AK5: variants seen among roughly 807,000 people sequenced by gnomAD.
AK5 encodes adenylate kinase 5, also known as adenylate kinase isoenzyme 5.
Under a neutral mutation model 69.5 loss-of-function variants are expected in AK5, and 27 were observed. The observed-to-expected ratio is 0.39, with a 90% CI of 0.29 to 0.54. The LOEUF (loss-of-function observed/expected upper bound fraction) is 0.54. Among genes scored for constraint, AK5 ranks in the 20% least tolerant of loss-of-function variants. The pLI, the probability that AK5 is intolerant of heterozygous loss-of-function variation, is 0.71. For synonymous variants in AK5, 260 were observed against 244.4 expected (o/e 1.06, Z -0.60); for missense variants, 531 against 700.4 (o/e 0.76, Z 2.73).
intron 8 of AK5, among the ~76,000 whole-genome samples, chr1:77,462,471 A>T (rs1394474176): frequency 6.6e-5 from 10 of 152,078 alleles, no homozygotes; most frequent in Non-Finnish European, 2.9e-5. Flanking sequence ...TAAAAGGAAA[A>T]GCATCTATAA....
intron 8 of AK5, among the ~76,000 whole-genome samples, chr1:77,467,162 G>A (rs976545712): frequency 2.0e-5 from 3 of 152,196 alleles, no homozygotes; most frequent in Admixed American, 6.5e-5. Flanking sequence ...AGGGAAAAAT[G>A]CATGGAGTCT....
At chr1:77,432,842 A>G (rs1651728730) in intron 8 of AK5, among the ~76,000 whole-genome samples, 1 of 152,234 alleles carries the variant, frequency 6.6e-6, no homozygotes, top group African/African-American at 2.4e-5. Flanking sequence ...TTACATCATT[A>G]TCTTGCCAAA....
At chr1:77,415,306 C>T (rs758409188) in intron 7 of AK5, among the ~76,000 whole-genome samples, 10 of 152,114 alleles carry the variant, frequency 6.6e-5, no homozygotes, top group South Asian at 2.1e-4. Context: ...TTGAAAACAA[C>T]GGAAAGAACA....
intron 6 of AK5, among the ~76,000 whole-genome samples, chr1:77,408,993 T>G (rs1649850064): frequency 6.6e-6 from 1 of 152,218 alleles, no homozygotes; most frequent in Admixed American, 6.5e-5. Flanking sequence ...AGCTCCCACT[T>G]ACAAGTAAGG....
intron 5 of AK5, among the ~76,000 whole-genome samples, chr1:77,331,205 A>G (rs1661070491): frequency 1.3e-5 from 2 of 151,962 alleles, no homozygotes; most frequent in African/African-American, 4.8e-5. Flanking sequence ...CTTGTGTTTT[A>G]TTTCTTTTTT....
chr1:77,462,052 T>C (rs1001940682), intron 8 of AK5, among the ~76,000 whole-genome samples: 1 of 152,242 alleles, frequency 6.6e-6, no homozygotes, highest in African/African-American at 2.4e-5. Flanking sequence ...TATAGAAAGA[T>C]AAATAGTAGT....
At chr1:77,383,988 G>T (rs1647832182) in intron 6 of AK5, among the ~76,000 whole-genome samples, 1 of 151,992 alleles carries the variant, frequency 6.6e-6, no homozygotes, top group Non-Finnish European at 1.5e-5. Flanking sequence ...GATTAAAAAT[G>T]TTATATTAGA....
intron 8 of AK5, among the ~76,000 whole-genome samples, chr1:77,445,955 T>G (rs1312837094): frequency 1.3e-5 from 2 of 152,214 alleles, no homozygotes; most frequent in Non-Finnish European, 2.9e-5. Flanking sequence ...ATGTATTTAT[T>G]TTTGCTTTTG....
At chr1:77,513,899 T>TA (rs1437057550) in intron 10 of AK5, among the ~76,000 whole-genome samples, 2 of 152,078 alleles carry the variant, frequency 1.3e-5, no homozygotes, top group Non-Finnish European at 2.9e-5. Flanking sequence ...CATGCCGAGG[T>TA]GATGCAGATG....
At chr1:77,320,286 C>G (rs893993913) in intron 5 of AK5, among the ~76,000 whole-genome samples, 3 of 152,132 alleles carry the variant, frequency 2.0e-5, no homozygotes, top group East Asian at 1.9e-4. Context: ...AACTACAATT[C>G]AAGATGAGAT....
At position 77,365,082 on chromosome 1, in the gene AK5, C is replaced by T. The variant is rs543028777; in HGVS notation, c.891+24514C>T. Among the ~76,000 whole-genome samples the T allele has an allele frequency of 2.4e-4, 36 of 152,160 alleles. 1 individual carries two copies. Among genetic ancestry groups the T allele is most frequent in the Admixed American group, 1.4e-3 (22 of 15,278 alleles). ...ATTCATGCTACCTGGTGAGATGATA[C>T]TTCATTGTATTTTGTTTTGCATTTC... On this transcript the variant is annotated intron_variant, in intron 6 of 13. Coordinates refer to ENST00000354567, the MANE Select transcript of AK5 (RefSeq NM_174858.3).
rs939845219 is a variant in AK5, at chr1:77,435,469, G to A, written c.1059+17754G>A. Among the ~76,000 whole-genome samples the A allele has an allele frequency of 4.6e-5, 7 of 152,006 alleles. No homozygotes were observed. The South Asian group carries it at 1.5e-3, about 32-fold the overall frequency. On this transcript the variant is annotated intron_variant, in intron 8 of 13. Transcript: ENST00000354567. ...CCGAGACCATCGTGGCCTACATGGT[G>A]AAACCCCATCTCCATTAAAAATATA...
chr1:77,435,605 G>A (rs190013080), intron 8 of AK5, among the ~76,000 whole-genome samples: 138 of 149,644 alleles, frequency 9.2e-4, no homozygotes, highest in African/African-American at 2.9e-3. Context: ...CCAAGATGGC[G>A]CCAGCACTCC....
intron 7 of AK5, among the ~76,000 whole-genome samples, chr1:77,416,127 G>A (rs1650410448): frequency 6.6e-6 from 1 of 151,644 alleles, no homozygotes; most frequent in Admixed American, 6.6e-5. Context: ...CGACGGCTGA[G>A]TATTTTGGCC....
At chr1:77,510,949 A>C (rs982082013) in intron 10 of AK5, among the ~76,000 whole-genome samples, 19 of 150,066 alleles carry the variant, frequency 1.3e-4, no homozygotes, top group African/African-American at 4.6e-4. Flanking sequence ...ATATGTATAT[A>C]ATTTCCCTGC....
intron 8 of AK5, among the ~76,000 whole-genome samples, chr1:77,472,261 C>G (rs1227438704): frequency 6.6e-6 from 1 of 152,168 alleles, no homozygotes; most frequent in African/African-American, 2.4e-5. Flanking sequence ...GGCAGTTTCC[C>G]TATTTCCATC....
intron 8 of AK5, among the ~76,000 whole-genome samples, chr1:77,430,245 G>A (rs1157253177): frequency 1.3e-5 from 2 of 151,982 alleles, no homozygotes; most frequent in African/African-American, 2.4e-5. Context: ...AGAGAAAGAG[G>A]TGTATTTGAG....
intron 8 of AK5, among the ~76,000 whole-genome samples, chr1:77,452,118 T>C (rs1018613772): frequency 7.2e-5 from 11 of 152,256 alleles, no homozygotes; most frequent in African/African-American, 2.7e-4. Flanking sequence ...AATTTATTCT[T>C]TTTTATATCC....
intron 8 of AK5, among the ~76,000 whole-genome samples, 171 bp from the exon 9 acceptor site, chr1:77,483,146 T>C (rs1557625848): frequency 6.6e-6 from 1 of 152,084 alleles, no homozygotes; most frequent in Non-Finnish European, 1.5e-5. Flanking sequence ...TTTGGAAAGT[T>C]AACTTTTAGA....
Sources: allele counts gnomAD v4.1 joint callset (sites outside exome capture counted in the v4.1 genomes callset), GRCh38; gene constraint gnomAD v4.1.1; transcripts MANE v1.5; gene names NCBI Gene and HGNC (gene_info 2026-07-23, HGNC 2026-07-21).